The following MARCO variants were observed in gnomAD, a reference collection of about 807,000 sequenced individuals.
MARCO encodes the protein macrophage receptor with collagenous structure.
MARCO carries 72 observed loss-of-function variants against 70.0 expected under a neutral mutation model. The ratio of observed to expected loss-of-function variants is 1.03; its 90% confidence interval spans 0.85 to 1.25. The LOEUF (loss-of-function observed/expected upper bound fraction) is 1.25. Ranked by LOEUF, MARCO falls within the 50% of genes most tolerant of loss-of-function variation. MARCO has a pLI of 0.00. For missense variants in MARCO, 696 were observed against 659.3 expected (o/e 1.06, Z -0.61); for synonymous variants, 273 against 243.1 (o/e 1.12, Z -1.14).
chr2:118,956,454 A>G (rs1386055411), intron 1 of MARCO, among the ~76,000 whole-genome samples: 5 of 144,020 alleles, frequency 3.5e-5, no homozygotes, highest in African/African-American at 5.5e-5. Flanking sequence ...ACAATCCCAA[A>G]CATTTATGCA....
intron 12 of MARCO, among the ~76,000 whole-genome samples, chr2:118,988,676 C>A (rs991234152): frequency 6.6e-6 from 1 of 152,078 alleles, no homozygotes; most frequent in Non-Finnish European, 1.5e-5. Flanking sequence ...TTCGCCCAAC[C>A]CATCTTGGCG....
chr2:118,966,791 T>C (rs966564771), intron 1 of MARCO, among the ~76,000 whole-genome samples: 2 of 152,208 alleles, frequency 1.3e-5, no homozygotes, highest in Non-Finnish European at 2.9e-5. Context: ...TTTCATAAAA[T>C]TTAGTGCTGT....
rs1030124638 is a variant in MARCO, at chr2:118,944,539, T to A, written c.97+2142T>A. Among the ~76,000 whole-genome samples the A allele has an allele frequency of 1.4e-4, 22 of 152,336 alleles. 1 individual carries two copies. Among genetic ancestry groups the A allele is most frequent in the African/African-American group, 5.1e-4 (21 of 41,580 alleles). Reference sequence around the variant, plus strand: ...ATTATCTTAAAATTCCCACATATGGTTCATGAAAAACAGCACTGAAAAATA... The same window carrying A: ...ATTATCTTAAAATTCCCACATATGGATCATGAAAAACAGCACTGAAAAATA... On this transcript the variant is annotated intron_variant, in intron 1 of 16. Transcript: ENST00000327097.
At chr2:118,991,687 GATAACTC>G in intron 13 of MARCO, 83 bp from the exon 14 acceptor site, 4 of 711,736 alleles carry the variant, frequency 5.6e-6, no homozygotes, top group Non-Finnish European at 7.0e-6. Flanking sequence ...GGCAGTTAAG[GATAACTC>G]ATTTATTAAA....
In MARCO at chr2:118,974,181, G is replaced by A. The variant is rs923127662; in HGVS notation, c.461-152G>A. 19 of 653,588 alleles carry A rather than the reference G, an allele frequency of 2.9e-5. No homozygotes were observed. In the East Asian group the frequency reaches 5.1e-4, roughly 18 times the overall value. The allele number at this position is 653,588 out of a possible 1,614,324, so 40.5% of individuals were successfully genotyped here. A position where few individuals can be genotyped will look rare whatever the true frequency, so the allele number is the denominator to read the frequency against. ...TCTAGGCCATGGGTTTCTTGCAGGA[G>A]GAGCTCTGTCTTCTTTCCTTCTTTC... On this transcript the variant is annotated intron_variant, in intron 4 of 16. Transcript: ENST00000327097.
rs761083860 is a variant in MARCO, at chr2:118,985,051, T to A, written c.1063+2641T>A. The stretch of plus-strand genomic sequence containing the variant: ...AACATGAGCGGTCTGTTCATTATTA[T>A]CAGTGCCTCTGGGCCAGGCACTGTG... On this transcript the variant is annotated intron_variant, in intron 12 of 16. Coordinates refer to ENST00000327097, the MANE Select transcript of MARCO (RefSeq NM_006770.4). 8.2e-4 allele frequency among the ~76,000 whole-genome samples: 125 copies of A among 152,144 alleles called. 1 individual carries two copies. Among genetic ancestry groups the A allele is most frequent in the Non-Finnish European group, 8.2e-4 (56 of 68,010 alleles).
rs1267076980 is a variant in MARCO, at chr2:118,971,568, T to G, written c.460+34T>G. The stretch of plus-strand genomic sequence containing the variant: ...ATTTCCACTCACACCCACCCTGCTC[T>G]TTCCCCAAAACCTCCCCAAAAGGGC... On this transcript the variant is annotated intron_variant, in intron 4 of 16. Coordinates refer to ENST00000327097, the MANE Select transcript of MARCO (RefSeq NM_006770.4). The G allele has an allele frequency of 1.9e-6, 3 of 1,611,568 alleles. No homozygotes were observed. In the African/African-American group the frequency reaches 4.0e-5, roughly 22 times the overall value.
chr2:118,970,314 G>A lies in MARCO; in HGVS notation c.400G>A (p.Val134Ile), dbSNP rs773629741. 6 of 1,613,508 alleles carry A rather than the reference G, an allele frequency of 3.7e-6. No individual in the cohort carries two copies. In the East Asian group the frequency reaches 1.1e-4, roughly 30 times the overall value. Residue 134 changes from valine to isoleucine, a missense_variant, in exon 3 of 17, where the codon GTA becomes ATA. Around this residue, in one of 3 missense-constraint regions of MARCO, gnomAD observed 605 missense variants for 537.6 expected, o/e 1.13. Coordinates refer to ENST00000327097, the MANE Select transcript of MARCO (RefSeq NM_006770.4). ...CAGCCATGAGCACTTGCTGCAGCGG[G>A]TAGACAACTTCACTCAGAACCCAGG... ...RVSHEHLLQR[V>I]DNFTQNPGMF...
intron 1 of MARCO, among the ~76,000 whole-genome samples, chr2:118,954,395 C>T (rs564508054): frequency 2.3e-4 from 35 of 152,292 alleles, no homozygotes; most frequent in Middle Eastern, 3.4e-3. Flanking sequence ...CCCCTATCCC[C>T]CACGGCAGCT....
chr2:118,966,177 G>C (rs545441591), intron 1 of MARCO, among the ~76,000 whole-genome samples: 1 of 152,294 alleles, frequency 6.6e-6, no homozygotes, highest in East Asian at 1.9e-4. Flanking sequence ...ATCTTTTACA[G>C]ACTTGAAAAA....
At chr2:118,947,135 C>T (rs1186623055) in intron 1 of MARCO, among the ~76,000 whole-genome samples, 1 of 152,186 alleles carries the variant, frequency 6.6e-6, no homozygotes, top group Admixed American at 6.5e-5. Flanking sequence ...TTCATATCAG[C>T]ATCTTTTACA....
At chr2:118,988,593 A>G (rs1234823517) in intron 12 of MARCO, among the ~76,000 whole-genome samples, 1 of 152,036 alleles carries the variant, frequency 6.6e-6, no homozygotes, top group African/African-American at 2.4e-5. Context: ...CAGGGACCCC[A>G]AGACATAGTG....
intron 1 of MARCO, among the ~76,000 whole-genome samples, chr2:118,954,736 G>T (rs12711915): frequency 0.043 from 6,498 of 152,086 alleles, 486 homozygotes; most frequent in African/African-American, 0.15. Flanking sequence ...TGGTTCACAT[G>T]AGAGGACTTT....
intron 6 of MARCO, among the ~76,000 whole-genome samples, chr2:118,975,017 A>G (rs550241436): frequency 2.7e-4 from 41 of 152,168 alleles, no homozygotes; most frequent in Non-Finnish European, 5.9e-4. Flanking sequence ...ATTGGGGATG[A>G]GAGGGCTGCA....
At chr2:118,960,077 A>G (rs969951778) in intron 1 of MARCO, among the ~76,000 whole-genome samples, 3 of 151,952 alleles carry the variant, frequency 2.0e-5, no homozygotes, top group Non-Finnish European at 2.9e-5. Flanking sequence ...CATGTAACCA[A>G]ATACAACCTA....
At chr2:118,977,581 C>G (rs1385629387) in intron 7 of MARCO, 66 bp downstream of exon 7, 1 of 1,422,974 alleles carries the variant, frequency 7.0e-7, no homozygotes, top group East Asian at 2.3e-5. Flanking sequence ...CAGTTCCCCC[C>G]CACCCCCCAT....
At chr2:118,960,044 A>G (rs1472926045) in intron 1 of MARCO, among the ~76,000 whole-genome samples, 1 of 152,048 alleles carries the variant, frequency 6.6e-6, no homozygotes, top group African/African-American at 2.4e-5. Flanking sequence ...AAAATCTCAC[A>G]TATCACCACT....
chr2:118,974,346 C>A lies in MARCO; in HGVS notation c.474C>A (p.His158Gln). ...GEQGAPGLQG[H>Q]KGAMGMPGAP... ...CCTCTTCCTCAGGTCTTCAAGGTCA[C>A]AAGGGGGCCATGGGCATGCCTGGTG... is the stretch of plus-strand genomic sequence containing the variant. The change falls in exon 5 of 17, where the codon CAC (histidine) becomes CAA (glutamine). Residue 158 changes from histidine to glutamine, a missense_variant. Physicochemically the swap from His to Gln is conservative, Grantham distance 24 (BLOSUM62 0). Coordinates refer to ENST00000327097, the MANE Select transcript of MARCO (RefSeq NM_006770.4). 6.2e-7 allele frequency: 1 copy of A among 1,601,350 alleles called. No homozygotes were observed. Among genetic ancestry groups the A allele is most frequent in the Non-Finnish European group, 8.5e-7 (1 of 1,173,862 alleles).
chr2:118,986,684 A>G (rs59698017), intron 12 of MARCO, among the ~76,000 whole-genome samples: 3,811 of 60,322 alleles, frequency 0.063, 148 homozygotes, highest in East Asian at 0.1. Flanking sequence ...AAAGAAAGAA[A>G]GAAAGAAAGA....
Sources: allele counts gnomAD v4.1 joint callset (sites outside exome capture counted in the v4.1 genomes callset), GRCh38; gene constraint gnomAD v4.1.1; regional missense constraint gnomAD v4.1.1; transcripts MANE v1.5; gene names NCBI Gene and HGNC (gene_info 2026-07-23, HGNC 2026-07-21).